L3MBTL4: variants seen among roughly 807,000 people sequenced by gnomAD.
L3MBTL4 encodes the protein L3MBTL histone methyl-lysine binding protein 4.
Under a neutral mutation model 84.5 loss-of-function variants are expected in L3MBTL4, and 70 were observed. The observed-to-expected ratio is 0.83, with a 90% CI of 0.68 to 1.01. L3MBTL4 has a LOEUF of 1.01. Among genes scored for constraint, L3MBTL4 ranks in the 50% least tolerant of loss-of-function variants. The pLI is 0.00. For missense variants in L3MBTL4, 715 were observed against 754.8 expected, an observed-to-expected ratio of 0.95 and a Z score of 0.62; for synonymous variants, 274 against 259.8, an observed-to-expected ratio of 1.05 and a Z score of -0.52.
chr18:6,004,847 G>A (rs1199738818), intron 16 of L3MBTL4, among the ~76,000 whole-genome samples: 1 of 152,062 alleles, frequency 6.6e-6, no homozygotes, highest in African/African-American at 2.4e-5. Flanking sequence ...CCTGCAGGGA[G>A]CGGCAATGGG....
At chr18:6,216,443 TTTTA>T (rs1251597609) in intron 10 of L3MBTL4, among the ~76,000 whole-genome samples, 1 of 152,088 alleles carries the variant, frequency 6.6e-6, no homozygotes, top group Non-Finnish European at 1.5e-5. Context: ...TATAGTATAG[TTTTA>T]TTTATCTTTC....
At chr18:6,299,677 T>A (rs2050248149) in intron 4 of L3MBTL4, among the ~76,000 whole-genome samples, 1 of 151,998 alleles carries the variant, frequency 6.6e-6, no homozygotes, top group Non-Finnish European at 1.5e-5. Flanking sequence ...AATATAGATA[T>A]ATTTTTTTTA....
At chr18:6,163,771 A>G (rs8098977) in intron 13 of L3MBTL4, among the ~76,000 whole-genome samples, 11,057 of 152,186 alleles carry the variant, frequency 0.073, 1,361 homozygotes, top group African/African-American at 0.25. Flanking sequence ...GAAGACAGGA[A>G]ATTTCTGCAT....
chr18:6,160,970 C>T (rs1428290043), intron 13 of L3MBTL4, among the ~76,000 whole-genome samples: 1 of 152,164 alleles, frequency 6.6e-6, no homozygotes, highest in Non-Finnish European at 1.5e-5. Context: ...ACTGGGATTA[C>T]AGTTTCCAAA....
At chr18:6,370,424 G>A (rs2054112192) in intron 1 of L3MBTL4, among the ~76,000 whole-genome samples, 1 of 152,228 alleles carries the variant, frequency 6.6e-6, no homozygotes, top group Non-Finnish European at 1.5e-5. Flanking sequence ...TCCAGCAGGG[G>A]AGACACTGCA....
Position 6,339,882 on chromosome 18 carries a change from TA to T in L3MBTL4, c.-90-27827del, listed in dbSNP as rs544184502. Reference sequence around the variant, plus strand: ...ATGAAATATCAAATCAAGAAAATGTTAAAAATCTGAATTCTACTTTGTCCAT... The same window carrying T: ...ATGAAATATCAAATCAAGAAAATGTTAAAATCTGAATTCTACTTTGTCCAT... On this transcript the variant is annotated intron_variant, in intron 1 of 18. Transcript: ENST00000317931. Among the ~76,000 whole-genome samples, 1,256 of 152,270 alleles carry T rather than the reference TA, an allele frequency of 8.2e-3. 9 individuals carry two copies. Among genetic ancestry groups the T allele is most frequent in the Non-Finnish European group, 0.012 (827 of 68,018 alleles).
At chr18:6,282,671 A>G (rs562476674) in intron 4 of L3MBTL4, among the ~76,000 whole-genome samples, 1 of 152,286 alleles carries the variant, frequency 6.6e-6, no homozygotes, top group African/African-American at 2.4e-5. Context: ...AGCACTGGAA[A>G]GGTTTTAAGC....
intron 14 of L3MBTL4, among the ~76,000 whole-genome samples, chr18:6,125,457 C>T (rs2059662360): frequency 6.6e-6 from 1 of 152,076 alleles, no homozygotes; most frequent in South Asian, 2.1e-4. Flanking sequence ...GAAACAGGTT[C>T]TCATTCTGTC....
chr18:6,134,697 A>G (rs2059979227), intron 14 of L3MBTL4, among the ~76,000 whole-genome samples: 1 of 152,198 alleles, frequency 6.6e-6, no homozygotes, highest in African/African-American at 2.4e-5. Context: ...CGCTGATGCA[A>G]CAGGTGGGTT....
chr18:6,216,244 A>G (rs2046321728), intron 10 of L3MBTL4, among the ~76,000 whole-genome samples: 1 of 152,200 alleles, frequency 6.6e-6, no homozygotes, highest in Admixed American at 6.5e-5. Context: ...AAATCTTTCA[A>G]ATTTCTCTAA....
chr18:6,394,907 A>G (rs1848057401), intron 1 of L3MBTL4: 1 of 152,210 alleles, frequency 6.6e-6, no homozygotes, highest in South Asian at 2.1e-4. Context: ...CAGTTTGCAA[A>G]TGTAATCTCA....
At chr18:6,096,396 C>A (rs988479309) in intron 14 of L3MBTL4, among the ~76,000 whole-genome samples, 1 of 152,142 alleles carries the variant, frequency 6.6e-6, no homozygotes, top group Non-Finnish European at 1.5e-5. Flanking sequence ...TGGAACAATT[C>A]CTGATTCTAT....
intron 12 of L3MBTL4, among the ~76,000 whole-genome samples, chr18:6,177,292 A>G (rs1216957563): frequency 6.6e-6 from 1 of 152,228 alleles, no homozygotes; most frequent in Non-Finnish European, 1.5e-5. Flanking sequence ...TCAGCAATAA[A>G]AAGGGATAAA....
intron 16 of L3MBTL4, chr18:6,030,212 C>T (rs181992328): frequency 1.1e-6 from 1 of 878,144 alleles, no homozygotes; most frequent in Non-Finnish European, 1.4e-6. Context: ...GTGATTATTC[C>T]AAGGGAGGAA....
intron 5 of L3MBTL4, 69 bp downstream of exon 5, chr18:6,263,878 T>A: frequency 1.9e-6 from 2 of 1,046,580 alleles, no homozygotes; most frequent in African/African-American, 1.6e-5. Context: ...TCTAGGAAAG[T>A]CATTTCATTT....
chr18:6,277,164 T>G (rs1305378764), intron 4 of L3MBTL4, among the ~76,000 whole-genome samples: 1 of 145,920 alleles, frequency 6.9e-6, no homozygotes, highest in East Asian at 2.2e-4. Flanking sequence ...GGAGGGATAG[T>G]ATTGGGAGAT....
intron 12 of L3MBTL4, among the ~76,000 whole-genome samples, chr18:6,189,621 T>C (rs995182678): frequency 3.3e-5 from 5 of 152,128 alleles, no homozygotes; most frequent in African/African-American, 9.7e-5. Flanking sequence ...TTAATTACTA[T>C]AAATGTAAAA....
At chr18:6,033,935 C>A (rs902861443) in intron 16 of L3MBTL4, among the ~76,000 whole-genome samples, 5 of 152,110 alleles carry the variant, frequency 3.3e-5, no homozygotes, top group Non-Finnish European at 7.3e-5. Flanking sequence ...GAGTTACAAA[C>A]CATTGTTATA....
intron 12 of L3MBTL4, among the ~76,000 whole-genome samples, chr18:6,175,515 G>A (rs1009218253): frequency 3.3e-5 from 5 of 152,072 alleles, no homozygotes; most frequent in Admixed American, 1.3e-4. Flanking sequence ...GCAAATATGC[G>A]GGGAAATATG....
Sources: gnomAD v4.1 joint callset for allele counts (sites outside exome capture counted in the v4.1 genomes callset) on GRCh38, gnomAD v4.1.1 for gene constraint, MANE v1.5 for transcripts, NCBI Gene and HGNC (gene_info 2026-07-23, HGNC 2026-07-21) for gene names.